Variants in MAGI2 observed in about 807,000 individuals in gnomAD.
MAGI2 encodes the protein membrane-associated guanylate kinase, WW and PDZ domain-containing protein 2.
In MAGI2, 35 loss-of-function variants were observed where a neutral mutation model predicts 133.3. The ratio of observed to expected loss-of-function variants is 0.26; its 90% CI spans 0.20 to 0.35. MAGI2 has a LOEUF of 0.35. Among genes scored for constraint, MAGI2 ranks in the 10% least tolerant of loss-of-function variants. The pLI, the probability that MAGI2 is intolerant of heterozygous loss-of-function variation, is 1.00. For synonymous variants in MAGI2, 729 were observed against 710.6 expected, an observed-to-expected ratio of 1.03 and a Z score of -0.41; for missense variants, 1,636 against 1,863.4, an observed-to-expected ratio of 0.88 and a Z score of 2.25.
chr7:79,186,226 A>G (rs13311944), intron 1 of MAGI2, among the ~76,000 whole-genome samples: 1 of 60,338 alleles, frequency 1.7e-5, no homozygotes, highest in Non-Finnish European at 6.2e-5. Flanking sequence ...ATATATATAT[A>G]TATATATATA....
chr7:78,306,827 C>T (rs1798277008), intron 9 of MAGI2, among the ~76,000 whole-genome samples: 1 of 152,170 alleles, frequency 6.6e-6, no homozygotes, highest in East Asian at 1.9e-4. Context: ...AATGTTTATG[C>T]AATGTCAGCA....
chr7:78,276,525 A>G (rs572138901), intron 9 of MAGI2, among the ~76,000 whole-genome samples: 1 of 152,222 alleles, frequency 6.6e-6, no homozygotes, highest in African/African-American at 2.4e-5. Context: ...ATTTCACTTA[A>G]GTATTTTTCT....
At chr7:78,189,943 T>C (rs977012865) in intron 12 of MAGI2, among the ~76,000 whole-genome samples, 6 of 152,234 alleles carry the variant, frequency 3.9e-5, no homozygotes, top group African/African-American at 1.4e-4. Flanking sequence ...TTCATTTTCT[T>C]TGGGAAGCAC....
intron 1 of MAGI2, among the ~76,000 whole-genome samples, chr7:79,052,169 T>C (rs1812733113): frequency 6.6e-6 from 1 of 151,602 alleles, no homozygotes; most frequent in Non-Finnish European, 1.5e-5. Context: ...GTGTGAACCA[T>C]AATGTAGAGA....
chr7:78,539,545 C>G (rs114463290), intron 3 of MAGI2, among the ~76,000 whole-genome samples: 1 of 152,096 alleles, frequency 6.6e-6, no homozygotes, highest in Non-Finnish European at 1.5e-5. Context: ...GAACTTTCCT[C>G]TAAGCACTAC....
chr7:79,167,166 G>GA (rs386410544), intron 1 of MAGI2, among the ~76,000 whole-genome samples: 1 of 238 alleles, frequency 4.2e-3, no homozygotes, highest in Non-Finnish European at 8.6e-3. Flanking sequence ...ATATAATTTT[G>GA]TGGGGGTTGA....
At chr7:79,210,195 A>G (rs1585208316) in intron 1 of MAGI2, among the ~76,000 whole-genome samples, 2 of 152,228 alleles carry the variant, frequency 1.3e-5, no homozygotes, top group East Asian at 1.9e-4. Flanking sequence ...CAAAGAAAAA[A>G]TGGATGAGTG....
At chr7:78,210,596 T>A (rs572501996) in intron 10 of MAGI2, among the ~76,000 whole-genome samples, 1 of 152,234 alleles carries the variant, frequency 6.6e-6, no homozygotes, top group Non-Finnish European at 1.5e-5. Context: ...AAAATGAGTT[T>A]GAGTTTAGGT....
intron 1 of MAGI2, among the ~76,000 whole-genome samples, chr7:79,247,867 T>C: frequency 6.6e-6 from 1 of 151,802 alleles, no homozygotes; most frequent in East Asian, 1.9e-4. Flanking sequence ...ATACAACAGA[T>C]ACACAAAAAA....
chr7:78,111,949 G>A (rs926525895), intron 20 of MAGI2, among the ~76,000 whole-genome samples: 4 of 152,176 alleles, frequency 2.6e-5, no homozygotes, highest in African/African-American at 9.7e-5. Context: ...CAGGGCCCTC[G>A]AAATGATCTA....
intron 10 of MAGI2, among the ~76,000 whole-genome samples, chr7:78,204,478 A>G (rs1056020042): frequency 6.6e-6 from 1 of 152,166 alleles, no homozygotes; most frequent in Non-Finnish European, 1.5e-5. Context: ...TCACTATAAA[A>G]CCAAGTTTAT....
chr7:79,138,823 G>A (rs1011426273), intron 1 of MAGI2, among the ~76,000 whole-genome samples: 41 of 152,144 alleles, frequency 2.7e-4, no homozygotes, highest in African/African-American at 4.8e-4. Flanking sequence ...GGCTAACATG[G>A]TGAAACCCTG....
chr7:78,870,560 G>A (rs146063125), intron 2 of MAGI2, among the ~76,000 whole-genome samples: 44 of 152,172 alleles, frequency 2.9e-4, no homozygotes, highest in East Asian at 2.3e-3. Flanking sequence ...AAATATTGGC[G>A]TGGATGTTGT....
intron 1 of MAGI2, among the ~76,000 whole-genome samples, chr7:79,333,669 A>G (rs1001606725): frequency 6.6e-6 from 1 of 152,206 alleles, no homozygotes; most frequent in Non-Finnish European, 1.5e-5. Flanking sequence ...ATTCATTTAA[A>G]TTACTGATGT....
At chr7:78,645,543 G>C (rs1170606094) in intron 2 of MAGI2, among the ~76,000 whole-genome samples, 1 of 151,880 alleles carries the variant, frequency 6.6e-6, no homozygotes, top group Non-Finnish European at 1.5e-5. Flanking sequence ...CAACAAACTA[G>C]AGAAGAAAAC....
chr7:78,687,013 G>A (rs138649729), intron 2 of MAGI2, among the ~76,000 whole-genome samples: 214 of 152,254 alleles, frequency 1.4e-3, no homozygotes, highest in African/African-American at 4.9e-3. Context: ...GTTTCCAAAC[G>A]TTGTTACTCA....
chr7:79,166,267 T>C (rs1479893741), intron 1 of MAGI2, among the ~76,000 whole-genome samples: 2 of 152,002 alleles, frequency 1.3e-5, no homozygotes, highest in African/African-American at 4.8e-5. Context: ...CATGATCAGA[T>C]TACATTGTAT....
chr7:78,636,164 A>T (rs527548833), intron 2 of MAGI2, among the ~76,000 whole-genome samples: 1 of 152,326 alleles, frequency 6.6e-6, no homozygotes, highest in South Asian at 2.1e-4. Flanking sequence ...TTTATAAAAT[A>T]TTGAAGATTT....
intron 2 of MAGI2, among the ~76,000 whole-genome samples, chr7:78,763,473 TGA>T (rs1824717269): frequency 6.6e-6 from 1 of 152,180 alleles, no homozygotes; most frequent in South Asian, 2.1e-4. Flanking sequence ...TAGCACACAC[TGA>T]GAGAGTAATT....
Sources: gnomAD v4.1 joint callset for allele counts (sites outside exome capture counted in the v4.1 genomes callset) on GRCh38, gnomAD v4.1.1 for gene constraint, MANE v1.5 for transcripts, NCBI Gene and HGNC (gene_info 2026-07-23, HGNC 2026-07-21) for gene names.